The following GLI2 variants were observed in gnomAD, a reference collection of about 807,000 sequenced individuals.
GLI2 encodes the protein transcription activator GLI2.
In GLI2, 22 loss-of-function variants were observed where a neutral mutation model predicts 78.9. The observed-to-expected ratio is 0.28, with a 90% CI of 0.20 to 0.40. The LOEUF (loss-of-function observed/expected upper bound fraction) is 0.40, where lower values mean the gene tolerates loss of function less well. GLI2 is among the 10% of genes least tolerant of loss of function. The pLI is 1.00. For missense variants in GLI2, 2,097 were observed against 2,213.2 expected (o/e 0.95, Z 1.05); for synonymous variants, 974 against 963.7 (o/e 1.01, Z -0.20).
intron 2 of GLI2, among the ~76,000 whole-genome samples, chr2:120,896,457 G>T (rs564366451): frequency 3.3e-5 from 5 of 151,692 alleles, no homozygotes; most frequent in Non-Finnish European, 5.9e-5. Context: ...AAGCTGGGGT[G>T]GGGGGGTATT....
chr2:120,781,054 G>A (rs1404830909), intron 1 of GLI2, among the ~76,000 whole-genome samples: 4 of 152,180 alleles, frequency 2.6e-5, no homozygotes. Flanking sequence ...TGGGCCCTGG[G>A]CATAAACCTT....
In GLI2 at chr2:120,897,473, C is replaced by T. The variant is rs112175756; in HGVS notation, c.149-29888C>T. Among the ~76,000 whole-genome samples the T allele has an allele frequency of 3.2e-3, 490 of 152,290 alleles. 5 individuals carry two copies. The highest frequency in any genetic ancestry group is 0.011 in the African/African-American group (475 of 41,576). The stretch of plus-strand genomic sequence containing the variant: ...CGACTTTACTGTGGGTTTACTGGGG[C>T]ATGGTAAGTTGAGGAGTAAATGTGT... On this transcript the variant is annotated intron_variant, in intron 2 of 13. Transcript: ENST00000361492.
At chr2:120,740,424 CAT>C (rs1252306158) in intron 1 of GLI2, among the ~76,000 whole-genome samples, 2 of 140,728 alleles carry the variant, frequency 1.4e-5, no homozygotes, top group Admixed American at 7.3e-5. Flanking sequence ...TGTGCTTGCA[CAT>C]GTGTGTTGTT....
intron 2 of GLI2, among the ~76,000 whole-genome samples, chr2:120,849,902 A>G (rs1687318595): frequency 6.6e-6 from 1 of 152,266 alleles, no homozygotes; most frequent in East Asian, 1.9e-4. Flanking sequence ...ATGCTATGAA[A>G]TAAGAATATT....
intron 2 of GLI2, among the ~76,000 whole-genome samples, chr2:120,923,257 C>CAT (rs1488286529): frequency 8.1e-6 from 1 of 124,078 alleles, no homozygotes; most frequent in East Asian, 2.5e-4. Context: ...CAACAGCACA[C>CAT]ACATACACAG....
rs569543479 is a variant in GLI2 at position 120,737,218 on chromosome 2, G to C, written c.-31+933G>C. 6.6e-6 allele frequency among the ~76,000 whole-genome samples: 1 copy of C among 152,184 alleles called. No individual in the cohort carries two copies. Among genetic ancestry groups the C allele is most frequent in the Non-Finnish European group, 1.5e-5 (1 of 67,982 alleles). On this transcript the variant is annotated intron_variant, in intron 1 of 13. Coordinates refer to ENST00000361492, the MANE Select transcript of GLI2 (RefSeq NM_001374353.1). This position sits in a 1 kb window ranked among gnomAD's most constrained non-coding sequence, Gnocchi z 4.3. ...GGCGGGGAGCTGGGAGGGAGCGTGT[G>C]CTTGCGTGTGTGAGTGTGAGCGCGC...
At chr2:120,796,518 C>T (rs895884472) in intron 1 of GLI2, among the ~76,000 whole-genome samples, 1 of 152,242 alleles carries the variant, frequency 6.6e-6, no homozygotes, top group Admixed American at 6.5e-5. Context: ...CCCCTGGCTC[C>T]TGGCTTTGCC....
chr2:120,799,111 A>T (rs1325797110), intron 2 of GLI2, among the ~76,000 whole-genome samples: 1 of 152,198 alleles, frequency 6.6e-6, no homozygotes, highest in African/African-American at 2.4e-5. Flanking sequence ...GAGCCCCTCT[A>T]GTGTCAGGCT....
intron 2 of GLI2, among the ~76,000 whole-genome samples, chr2:120,844,900 C>T (rs892555428): frequency 3.3e-5 from 5 of 152,094 alleles, no homozygotes; most frequent in East Asian, 1.9e-4. Context: ...AGGTGATGAA[C>T]GTTAACCTCT....
chr2:120,927,772 T>G (rs1558889224), intron 3 of GLI2, among the ~76,000 whole-genome samples: 1 of 152,244 alleles, frequency 6.6e-6, no homozygotes, highest in Non-Finnish European at 1.5e-5. Flanking sequence ...GAATCCTCTC[T>G]AGGTCTAAGA....
At chr2:120,914,015 G>GA (rs1678967204) in intron 2 of GLI2, among the ~76,000 whole-genome samples, 1 of 152,250 alleles carries the variant, frequency 6.6e-6, no homozygotes, top group Non-Finnish European at 1.5e-5. Flanking sequence ...GCTCTGCAGG[G>GA]AAGGGGCTGG....
At chr2:120,855,005 A>G (rs939118718) in intron 2 of GLI2, among the ~76,000 whole-genome samples, 6 of 152,216 alleles carry the variant, frequency 3.9e-5, no homozygotes, top group African/African-American at 1.2e-4. Flanking sequence ...CACCCTCCAC[A>G]CAGAGCAGGC....
intron 7 of GLI2, 96 bp from the exon 8 acceptor site, chr2:120,971,845 T>G: frequency 9.7e-7 from 1 of 1,031,916 alleles, no homozygotes. Flanking sequence ...GCCCAGATGG[T>G]CTGTGCGGAG....
At chr2:120,876,327 G>A (rs1156360141) in intron 2 of GLI2, among the ~76,000 whole-genome samples, 1 of 152,204 alleles carries the variant, frequency 6.6e-6, no homozygotes, top group African/African-American at 2.4e-5. Context: ...GGGCGACAGA[G>A]CGAGACTCCG....
rs999534792 is a variant in GLI2, at chr2:120,984,061, TGCC to T, written c.1633-409_1633-407del. Reference sequence around the variant, plus strand: ...CTGGATGACTTGGAACCTGTTCCTTTGCCTCCCTGATCCTGCCTTTCTTCATCA... The same window carrying T: ...CTGGATGACTTGGAACCTGTTCCTTTTCCCTGATCCTGCCTTTCTTCATCA... On this transcript the variant is annotated intron_variant, in intron 11 of 13. Coordinates refer to ENST00000361492, the MANE Select transcript of GLI2 (RefSeq NM_001374353.1). 5.3e-5 allele frequency among the ~76,000 whole-genome samples: 8 copies of T among 152,206 alleles called. No homozygotes were observed. In the South Asian group the frequency reaches 1.7e-3, roughly 32 times the overall value.
intron 2 of GLI2, among the ~76,000 whole-genome samples, chr2:120,853,863 G>C (rs1687521604): frequency 6.6e-6 from 1 of 152,106 alleles, no homozygotes; most frequent in Non-Finnish European, 1.5e-5. Flanking sequence ...GGTGGGTCTA[G>C]GGGACTGCAT....
intron 2 of GLI2, among the ~76,000 whole-genome samples, chr2:120,868,771 C>T (rs184259501): frequency 7.7e-4 from 117 of 152,298 alleles, no homozygotes; most frequent in Non-Finnish European, 1.9e-4. Flanking sequence ...GGTAGGGATG[C>T]AGCAGCAGTG....
chr2:120,903,213 G>C (rs1399208699), intron 2 of GLI2, among the ~76,000 whole-genome samples: 5 of 152,010 alleles, frequency 3.3e-5, no homozygotes, highest in Admixed American at 2.0e-4. Context: ...GGTGAAACAC[G>C]ATCTCTAGTA....
chr2:120,878,463 G>C (rs569345458), intron 2 of GLI2, among the ~76,000 whole-genome samples: 12 of 152,164 alleles, frequency 7.9e-5, no homozygotes, highest in Non-Finnish European at 1.8e-4. Flanking sequence ...TTAGTGTCTA[G>C]CTATGGACTG....
Sources: allele counts gnomAD v4.1 joint callset (sites outside exome capture counted in the v4.1 genomes callset), GRCh38; gene constraint gnomAD v4.1.1; non-coding constraint Gnocchi (gnomAD v3.1); transcripts MANE v1.5; gene names NCBI Gene and HGNC (gene_info 2026-07-23, HGNC 2026-07-21).